The following MACROD2 variants were observed in gnomAD, a reference collection of about 807,000 sequenced individuals.
The protein encoded by MACROD2 is ADP-ribose glycohydrolase MACROD2.
A neutral mutation model predicts 70.4 loss-of-function variants in MACROD2; 36 were observed. That is an observed-to-expected ratio of 0.51 (90% CI 0.39 to 0.68). The LOEUF (loss-of-function observed/expected upper bound fraction) is 0.68, where lower values mean the gene tolerates loss of function less well. Among genes scored for constraint, MACROD2 ranks in the 30% least tolerant of loss-of-function variants. The pLI is 0.00. For missense variants in MACROD2, 496 were observed against 538.4 expected (o/e 0.92, Z 0.78); for synonymous variants, 172 against 178.8 (o/e 0.96, Z 0.30).
intron 8 of MACROD2, among the ~76,000 whole-genome samples, chr20:15,582,243 C>T (rs566206048): frequency 1.6e-4 from 25 of 152,274 alleles, no homozygotes; most frequent in South Asian, 4.1e-4. Context: ...GAGCCACTCA[C>T]CAATCAAGAA....
intron 8 of MACROD2, among the ~76,000 whole-genome samples, chr20:15,756,674 G>A (rs2051352528): frequency 6.6e-6 from 1 of 152,050 alleles, no homozygotes; most frequent in South Asian, 2.1e-4. Context: ...GCTCCTTTTT[G>A]CACACAAAAA....
At chr20:14,006,874 A>T (rs898639235) in intron 2 of MACROD2, among the ~76,000 whole-genome samples, 1 of 152,074 alleles carries the variant, frequency 6.6e-6, no homozygotes, top group Non-Finnish European at 1.5e-5. Flanking sequence ...TTAAATCCAG[A>T]GGTTTGTTCA....
chr20:14,252,940 T>C (rs2122279287), intron 3 of MACROD2, among the ~76,000 whole-genome samples: 1 of 152,188 alleles, frequency 6.6e-6, no homozygotes, highest in East Asian at 1.9e-4. Context: ...CATTGATCAT[T>C]TCTAGCATAA....
chr20:15,862,795 C>T lies in MACROD2; in HGVS notation c.696C>T (p.Tyr232=). ...CVFLEVDFKI[Y]KKKMNEFFSV... ...TCTTAGAAGTTGACTTCAAAATCTA[C>T]AAAAAGAAAATGAATGAGTTTTTCT... Residue 232 remains tyrosine (Y), a synonymous_variant, in exon 9 of 18, where the codon TAC becomes TAT. Coordinates refer to ENST00000684519, the MANE Select transcript of MACROD2 (RefSeq NM_001351661.2). 5 of 1,612,452 alleles carry T rather than the reference C, an allele frequency of 3.1e-6. No individual in the cohort carries two copies. Among genetic ancestry groups the T allele is most frequent in the Non-Finnish European group, 4.2e-6 (5 of 1,179,296 alleles).
intron 13 of MACROD2, 54 bp from the exon 14 acceptor site, chr20:15,986,673 G>C: frequency 7.2e-7 from 1 of 1,397,862 alleles, no homozygotes; most frequent in South Asian, 1.2e-5. Flanking sequence ...CAGGAATAAA[G>C]CTACGGTCAT....
At chr20:15,904,378 T>C (rs1399532225) in intron 10 of MACROD2, among the ~76,000 whole-genome samples, 2 of 151,892 alleles carry the variant, frequency 1.3e-5, no homozygotes, top group African/African-American at 2.4e-5. Context: ...CTCCTAAATA[T>C]CAAAAAGAGT....
At chr20:14,139,841 T>G (rs2054846037) in intron 3 of MACROD2, among the ~76,000 whole-genome samples, 1 of 152,130 alleles carries the variant, frequency 6.6e-6, no homozygotes, top group Admixed American at 6.5e-5. Context: ...ACACTGTAAG[T>G]AGAAAATTTC....
rs866349511 is a variant in MACROD2, at chr20:14,042,968, G to A, written c.163+40564G>A. ...TGATCTTGCTCTGTCACCCAGGCTG[G>A]AGTGCAGTGGTGTGAACACAGCTCA... is the stretch of plus-strand genomic sequence containing the variant. On this transcript the variant is annotated intron_variant, in intron 2 of 17. Coordinates refer to ENST00000684519, the MANE Select transcript of MACROD2 (RefSeq NM_001351661.2). Among the ~76,000 whole-genome samples, 131 of 151,832 alleles carry A rather than the reference G, an allele frequency of 8.6e-4. 2 individuals are homozygous for A. The highest frequency in any genetic ancestry group is 3.7e-3 in the Admixed American group (56 of 15,268).
chr20:15,398,851 A>G (rs1282523668), intron 6 of MACROD2, among the ~76,000 whole-genome samples: 1 of 151,930 alleles, frequency 6.6e-6, no homozygotes, highest in Non-Finnish European at 1.5e-5. Flanking sequence ...ATAGGGTCTC[A>G]CTCTTTCACC....
At chr20:14,815,684 A>G (rs1186358755) in intron 5 of MACROD2, among the ~76,000 whole-genome samples, 1 of 152,104 alleles carries the variant, frequency 6.6e-6, no homozygotes, top group Non-Finnish European at 1.5e-5. Context: ...ACTCAAGCAC[A>G]AGCGATCAAT....
At chr20:15,203,647 A>G (rs2076676370) in intron 5 of MACROD2, among the ~76,000 whole-genome samples, 1 of 151,944 alleles carries the variant, frequency 6.6e-6, no homozygotes, top group Admixed American at 6.6e-5. Context: ...TATTATTTAT[A>G]TCTGAAATGA....
Position 14,326,783 on chromosome 20 carries a change from C to T in MACROD2, c.272-166696C>T, listed in dbSNP as rs764742743. 18 of 1,613,666 alleles carry T rather than the reference C, an allele frequency of 1.1e-5. No individual in the cohort carries two copies. The East Asian group carries it at 3.3e-4, about 30-fold the overall frequency. On this transcript the variant is annotated intron_variant, in intron 3 of 17. Coordinates refer to ENST00000684519, the MANE Select transcript of MACROD2 (RefSeq NM_001351661.2). The surrounding 1 kb of genome is among the most constrained non-coding windows in gnomAD (Gnocchi z 5.5). ...CTCAGGTTTGTGCCTGGAAGGTTTA[C>T]TGGTGCAGCAGTCAGGGAATTCCGC...
chr20:14,980,176 G>T (rs1284866578), intron 5 of MACROD2, among the ~76,000 whole-genome samples: 3 of 152,088 alleles, frequency 2.0e-5, no homozygotes, highest in Non-Finnish European at 4.4e-5. Context: ...GAGAGATGGG[G>T]CCTTAAAAAG....
At chr20:14,578,972 C>T (rs1980803543) in intron 4 of MACROD2, among the ~76,000 whole-genome samples, 1 of 128,244 alleles carries the variant, frequency 7.8e-6, no homozygotes, top group Admixed American at 9.0e-5. Flanking sequence ...GAAGTACTTG[C>T]AAATTTTATG....
Position 14,768,649 on chromosome 20 carries a change from CT to C in MACROD2, c.418+83691del, listed in dbSNP as rs2072124139. On this transcript the variant is annotated intron_variant, in intron 5 of 17. Coordinates refer to ENST00000684519, the MANE Select transcript of MACROD2 (RefSeq NM_001351661.2). Reference sequence around the variant, plus strand: ...TCTTTTTTTTTGAGATGGAGTCTCGCTCTGTTGCCCAGGTTGGAGGGCAGTG... The same window carrying C: ...TCTTTTTTTTTGAGATGGAGTCTCGCCTGTTGCCCAGGTTGGAGGGCAGTG... Among the ~76,000 whole-genome samples, 3 of 152,028 alleles carry C rather than the reference CT, an allele frequency of 2.0e-5. No homozygotes were observed. In the South Asian group the frequency reaches 6.2e-4, roughly 32 times the overall value.
intron 5 of MACROD2, among the ~76,000 whole-genome samples, chr20:15,150,364 T>G (rs1210598447): frequency 1.3e-5 from 2 of 151,406 alleles, no homozygotes; most frequent in Non-Finnish European, 2.9e-5. Flanking sequence ...GACAAAAGAG[T>G]GTACAGGTTG....
At chr20:14,825,531 T>A (rs146558009) in intron 5 of MACROD2, among the ~76,000 whole-genome samples, 135 of 152,192 alleles carry the variant, frequency 8.9e-4, no homozygotes, top group African/African-American at 3.1e-3. Context: ...AAAATATAGG[T>A]CATGCACATG....
chr20:14,757,797 G>A (rs188942781), intron 5 of MACROD2: 17 of 1,531,536 alleles, frequency 1.1e-5, no homozygotes, highest in East Asian at 2.3e-5. Context: ...CAGTATCTCC[G>A]TGATTACCTT....
At chr20:15,875,890 T>A (rs75149330) in intron 9 of MACROD2, among the ~76,000 whole-genome samples, 2,820 of 151,718 alleles carry the variant, frequency 0.019, 100 homozygotes, top group African/African-American at 0.065. Context: ...GTAGACTGGT[T>A]TTGGTTCTTT....
Sources: allele counts gnomAD v4.1 joint callset (sites outside exome capture counted in the v4.1 genomes callset), GRCh38; gene constraint gnomAD v4.1.1; non-coding constraint Gnocchi (gnomAD v3.1); transcripts MANE v1.5; gene names NCBI Gene and HGNC (gene_info 2026-07-23, HGNC 2026-07-21).